The following IL1RAPL2 variants were observed in gnomAD, a reference collection of about 807,000 sequenced individuals.
The protein encoded by IL1RAPL2 is X-linked interleukin-1 receptor accessory protein-like 2.
A neutral mutation model predicts 44.1 loss-of-function variants in IL1RAPL2; 3 were observed. That is an observed-to-expected ratio of 0.07 (90% CI 0.03 to 0.18). IL1RAPL2 has a LOEUF of 0.18. IL1RAPL2 is among the 10% of genes least tolerant of loss of function. IL1RAPL2 has a pLI of 1.00. For missense variants in IL1RAPL2, 391 were observed against 496.4 expected (o/e 0.79, Z 2.02); for synonymous variants, 181 against 178.8 (o/e 1.01, Z -0.10).
intron 2 of IL1RAPL2, among the ~76,000 whole-genome samples, chrX:105,075,952 G>C (rs982992928): frequency 3.6e-5 from 4 of 111,153 alleles, no homozygotes; most frequent in South Asian, 7.6e-4. Context: ...TACTAGTCTT[G>C]CTAGCGGTCA....
At position 105,751,085 on chromosome X, in the gene IL1RAPL2, T is replaced by C. The variant is rs772570276; in HGVS notation, c.1192+1982T>C. Among the ~76,000 whole-genome samples, 48 of 110,870 alleles carry C rather than the reference T, an allele frequency of 4.3e-4. 1 individual carries two copies. In the South Asian group the frequency reaches 0.018, roughly 41 times the overall value. ...GAGTTCAAGACCAGCCTGAGCAACATAGGGAGACCTCATCTCTACAAAAAT... is the reference window on the plus strand; with the variant it reads ...GAGTTCAAGACCAGCCTGAGCAACACAGGGAGACCTCATCTCTACAAAAAT... On this transcript the variant is annotated intron_variant, in intron 9 of 10. Transcript: ENST00000372582.
rs1193287837 is a variant in IL1RAPL2, at chrX:104,732,925, C to A, written c.82+73930C>A. Reference sequence around the variant, plus strand: ...AATAAGTTTTATTAATGAAATACTGCCTCATGCTGATCTGAATTTATACCA... The same window carrying A: ...AATAAGTTTTATTAATGAAATACTGACTCATGCTGATCTGAATTTATACCA... On this transcript the variant is annotated intron_variant, in intron 2 of 10. Coordinates refer to ENST00000372582, the MANE Select transcript of IL1RAPL2 (RefSeq NM_017416.2). Among the ~76,000 whole-genome samples, 3 of 111,296 alleles carry A rather than the reference C, an allele frequency of 2.7e-5. No individual in the cohort carries two copies. The Admixed American group carries it at 2.9e-4, about 11-fold the overall frequency.
intron 3 of IL1RAPL2, among the ~76,000 whole-genome samples, chrX:105,226,476 C>A (rs2034016707): frequency 1.1e-5 from 1 of 94,859 alleles, no homozygotes; most frequent in Non-Finnish European, 2.0e-5. Context: ...CAGCTCACTG[C>A]AACCTCCGCC....
intron 5 of IL1RAPL2, among the ~76,000 whole-genome samples, chrX:105,336,397 A>G (rs1349425240): frequency 2.7e-5 from 3 of 112,511 alleles, no homozygotes; most frequent in African/African-American, 6.5e-5. Flanking sequence ...CATGCATTCA[A>G]TAAAACTTTA....
At chrX:105,385,063 T>G (rs1049754280) in intron 5 of IL1RAPL2, among the ~76,000 whole-genome samples, 1 of 111,554 alleles carries the variant, frequency 9.0e-6, no homozygotes, top group African/African-American at 3.2e-5. Flanking sequence ...AAGAATAATT[T>G]GACTTCTTCC....
intron 2 of IL1RAPL2, among the ~76,000 whole-genome samples, chrX:105,151,445 A>T (rs1401881338): frequency 9.0e-6 from 1 of 110,930 alleles, no homozygotes; most frequent in Non-Finnish European, 1.9e-5. Context: ...AGAGAGAAAG[A>T]CATAATATTA....
chrX:104,865,261 TA>T (rs1922587803), intron 2 of IL1RAPL2, among the ~76,000 whole-genome samples: 1 of 112,038 alleles, frequency 8.9e-6, no homozygotes, highest in East Asian at 2.8e-4. Context: ...TCATATGACA[TA>T]AGATTTATTT....
At chrX:105,268,150 A>G (rs912534415) in intron 5 of IL1RAPL2, among the ~76,000 whole-genome samples, 1 of 111,807 alleles carries the variant, frequency 8.9e-6, no homozygotes, top group Non-Finnish European at 1.9e-5. Context: ...TCAGAGACAT[A>G]AGACAGAATC....
At chrX:105,330,683 C>T (rs1405305466) in intron 5 of IL1RAPL2, among the ~76,000 whole-genome samples, 3 of 111,601 alleles carry the variant, frequency 2.7e-5, no homozygotes, top group Non-Finnish European at 3.8e-5. Flanking sequence ...ATCCTTCTTT[C>T]ACGTCTTCAC....
chrX:104,848,374 G>A (rs1171232099), intron 2 of IL1RAPL2, among the ~76,000 whole-genome samples: 1 of 93,571 alleles, frequency 1.1e-5, no homozygotes, highest in African/African-American at 4.0e-5. Context: ...TAGCATATAA[G>A]TTTTTTATAC....
chrX:104,611,581 T>G (rs1043285710), intron 1 of IL1RAPL2, among the ~76,000 whole-genome samples: 2 of 111,018 alleles, frequency 1.8e-5, no homozygotes, highest in Non-Finnish European at 3.8e-5. Flanking sequence ...CTCACACCTG[T>G]AATCTCAGCA....
At chrX:104,913,573 C>G (rs764461570) in intron 2 of IL1RAPL2, among the ~76,000 whole-genome samples, 1 of 111,626 alleles carries the variant, frequency 9.0e-6, no homozygotes, top group Non-Finnish European at 1.9e-5. Context: ...TTTTAAGCAA[C>G]AGTAAAGGAT....
chrX:105,239,527 G>A (rs1168350769), intron 4 of IL1RAPL2, among the ~76,000 whole-genome samples: 1 of 94,555 alleles, frequency 1.1e-5, no homozygotes, highest in Non-Finnish European at 1.9e-5. Flanking sequence ...ACCTACATTG[G>A]GCCTTCATTT....
chrX:104,827,385 G>T (rs189368392), intron 2 of IL1RAPL2, among the ~76,000 whole-genome samples: 95 of 110,879 alleles, frequency 8.6e-4, no homozygotes, highest in Non-Finnish European at 1.4e-3. Flanking sequence ...CCCTTATGAA[G>T]CTTAGTTTGG....
At chrX:104,825,792 G>C (rs1346971916) in intron 2 of IL1RAPL2, among the ~76,000 whole-genome samples, 2 of 111,983 alleles carry the variant, frequency 1.8e-5, no homozygotes, top group Non-Finnish European at 3.8e-5. Context: ...TTAAAACAAT[G>C]ATCATTTAAT....
intron 1 of IL1RAPL2, among the ~76,000 whole-genome samples, chrX:104,639,620 A>G (rs754029317): frequency 2.1e-4 from 23 of 110,708 alleles, no homozygotes; most frequent in Non-Finnish European, 4.2e-4. Context: ...TTATACTTTC[A>G]TGTGTCTTCA....
rs759288791 is a variant in IL1RAPL2, at chrX:104,935,698, A to G, written c.83-259777A>G. Among the ~76,000 whole-genome samples the G allele has an allele frequency of 1.1e-4, 12 of 112,193 alleles. No individual in the cohort carries two copies. In the South Asian group the frequency reaches 4.5e-3, roughly 42 times the overall value. On this transcript the variant is annotated intron_variant, in intron 2 of 10. Transcript: ENST00000372582. ...CACTTGTAAAGTGTGCCATACTTGC[A>G]GAGCCAAAATGTTTTTTTCATTTAT...
At chrX:105,728,939 G>C (rs2038376359) in intron 7 of IL1RAPL2, among the ~76,000 whole-genome samples, 1 of 110,710 alleles carries the variant, frequency 9.0e-6, no homozygotes, top group Non-Finnish European at 1.9e-5. Context: ...AGTCTTTATA[G>C]TTTTGCCTTT....
chrX:105,755,453 TAG>T (rs1374500367), intron 10 of IL1RAPL2, 106 bp downstream of exon 10: 2 of 571,514 alleles, frequency 3.5e-6, no homozygotes, highest in African/African-American at 2.3e-5. Context: ...TTTCTCACAG[TAG>T]AGTTTCTTAA....
Sources: allele counts gnomAD v4.1 joint callset (sites outside exome capture counted in the v4.1 genomes callset), GRCh38; gene constraint gnomAD v4.1.1; transcripts MANE v1.5; gene names NCBI Gene and HGNC (gene_info 2026-07-23, HGNC 2026-07-21).